ZBTB7C: variants seen among roughly 807,000 people sequenced by gnomAD.
ZBTB7C encodes the protein zinc finger and BTB domain-containing protein 7C.
In ZBTB7C, 8 loss-of-function variants were observed where a neutral mutation model predicts 25.7. The ratio of observed to expected loss-of-function variants is 0.31; its 90% CI spans 0.18 to 0.56. The LOEUF (loss-of-function observed/expected upper bound fraction) is 0.56, where lower values mean the gene tolerates loss of function less well. Ranked by LOEUF, ZBTB7C falls within the 20% of genes least tolerant of loss-of-function variation. The pLI, the probability that ZBTB7C is intolerant of heterozygous loss-of-function variation, is 0.91. For missense variants in ZBTB7C, 824 were observed against 855.2 expected (o/e 0.96, Z 0.46); for synonymous variants, 394 against 369.0 (o/e 1.07, Z -0.78).
intron 2 of ZBTB7C, among the ~76,000 whole-genome samples, chr18:48,317,312 G>T (rs1244705410): frequency 6.6e-6 from 1 of 150,626 alleles, no homozygotes; most frequent in Non-Finnish European, 1.5e-5. Context: ...CTTTCAGCAG[G>T]CTTGGCTAAA....
chr18:48,051,494 T>C (rs1187275558), intron 3 of ZBTB7C, among the ~76,000 whole-genome samples: 1 of 152,250 alleles, frequency 6.6e-6, no homozygotes, highest in African/African-American at 2.4e-5. Flanking sequence ...CTTGGAGCCT[T>C]TTACCTTTCA....
chr18:48,118,465 C>A (rs1357653735), intron 3 of ZBTB7C, among the ~76,000 whole-genome samples: 1 of 151,928 alleles, frequency 6.6e-6, no homozygotes, highest in Admixed American at 6.6e-5. Flanking sequence ...AACTTTTTGG[C>A]CATATGTGTT....
intron 3 of ZBTB7C, among the ~76,000 whole-genome samples, chr18:48,178,103 G>A (rs953746041): frequency 2.6e-5 from 4 of 152,078 alleles, no homozygotes; most frequent in Non-Finnish European, 5.9e-5. Context: ...CTGGGGTACT[G>A]CACTGGGTCT....
intron 2 of ZBTB7C, among the ~76,000 whole-genome samples, chr18:48,310,041 A>G (rs2045775218): frequency 6.6e-6 from 1 of 152,116 alleles, no homozygotes; most frequent in Non-Finnish European, 1.5e-5. Context: ...CATCCTGGCT[A>G]ACACAGTGAA....
At chr18:48,112,283 T>C (rs1315117764) in intron 3 of ZBTB7C, among the ~76,000 whole-genome samples, 2 of 146,994 alleles carry the variant, frequency 1.4e-5, no homozygotes, top group African/African-American at 5.1e-5. Context: ...TTTTTTGCCT[T>C]CTCTCTCTCC....
intron 3 of ZBTB7C, among the ~76,000 whole-genome samples, chr18:48,121,044 T>C (rs1432400122): frequency 1.3e-5 from 2 of 152,202 alleles, no homozygotes; most frequent in Non-Finnish European, 1.5e-5. Flanking sequence ...GCCCCTGGTC[T>C]TGGGGAAAGC....
intron 3 of ZBTB7C, among the ~76,000 whole-genome samples, chr18:48,082,290 T>A (rs1027126653): frequency 6.6e-6 from 1 of 152,232 alleles, no homozygotes; most frequent in African/African-American, 2.4e-5. Context: ...ATCTGAGCCA[T>A]CATTTTTCTC....
At chr18:48,359,187 T>C (rs1031139254) in intron 1 of ZBTB7C, among the ~76,000 whole-genome samples, 1 of 152,192 alleles carries the variant, frequency 6.6e-6, no homozygotes, top group African/African-American at 2.4e-5. Context: ...AACTAGCTGG[T>C]GGCCATCACC....
intron 3 of ZBTB7C, among the ~76,000 whole-genome samples, chr18:48,043,452 G>C (rs2036341534): frequency 6.6e-6 from 1 of 152,200 alleles, no homozygotes; most frequent in African/African-American, 2.4e-5. Context: ...TGAATCTCCA[G>C]GGAGTTACGC....
chr18:48,118,058 T>A (rs115758502), intron 3 of ZBTB7C, among the ~76,000 whole-genome samples: 1 of 149,990 alleles, frequency 6.7e-6, no homozygotes, highest in Non-Finnish European at 1.5e-5. Context: ...CGGGCTGGAG[T>A]GCAGTGGCGT....
intron 2 of ZBTB7C, among the ~76,000 whole-genome samples, chr18:48,202,753 C>A (rs2042485181): frequency 6.6e-6 from 1 of 151,884 alleles, no homozygotes; most frequent in Non-Finnish European, 1.5e-5. Context: ...ACAGCCTGAA[C>A]AGAGGTGGAA....
At chr18:48,229,827 G>C (rs1321866654) in intron 2 of ZBTB7C, among the ~76,000 whole-genome samples, 2 of 152,152 alleles carry the variant, frequency 1.3e-5, no homozygotes, top group Non-Finnish European at 2.9e-5. Context: ...AAGGAGCGGG[G>C]CAGGTGTGGG....
chr18:48,162,067 G>A (rs2041076233), intron 3 of ZBTB7C, among the ~76,000 whole-genome samples: 1 of 138,042 alleles, frequency 7.2e-6, no homozygotes, highest in Non-Finnish European at 1.7e-5. Context: ...GCGGGGCTGA[G>A]AGGGGCGAAC....
At chr18:48,192,396 T>C (rs181339524) in intron 2 of ZBTB7C, among the ~76,000 whole-genome samples, 1 of 152,322 alleles carries the variant, frequency 6.6e-6, no homozygotes, top group African/African-American at 2.4e-5. Flanking sequence ...GATGACATTA[T>C]GCATTTGTCA....
intron 2 of ZBTB7C, among the ~76,000 whole-genome samples, chr18:48,324,992 T>C (rs1280327500): frequency 6.6e-6 from 1 of 152,152 alleles, no homozygotes; most frequent in Non-Finnish European, 1.5e-5. Flanking sequence ...ACAATGGAGC[T>C]GTTTACAGGA....
Position 48,040,082 on chromosome 18 carries a change from G to A in ZBTB7C, c.1026C>T (p.His342=), listed in dbSNP as rs749797716. 5.0e-6 allele frequency: 8 copies of A among 1,612,082 alleles called. No individual in the cohort carries two copies. In the East Asian group the frequency reaches 1.6e-4, roughly 31 times the overall value. The part of the protein sequence containing the change: ...GAYLNFLSAT[H]LGGLFPPWPL... Reference sequence around the variant, plus strand: ...GCCAGGGTGGGAAGAGGCCTCCCAGGTGGGTGGCACTCAGGAAGTTGAGAT... The same window carrying A: ...GCCAGGGTGGGAAGAGGCCTCCCAGATGGGTGGCACTCAGGAAGTTGAGAT... Residue 342 remains histidine, a synonymous_variant, in exon 4 of 5, where the codon CAC becomes CAT. Transcript: ENST00000590800.
chr18:48,395,052 A>C (rs914405528), intron 1 of ZBTB7C, among the ~76,000 whole-genome samples: 5 of 151,686 alleles, frequency 3.3e-5, no homozygotes, highest in Middle Eastern at 3.6e-3. Flanking sequence ...TGGAGTATTA[A>C]AAAGCATCAG....
chr18:48,223,569 G>A (rs1250919951), intron 2 of ZBTB7C, among the ~76,000 whole-genome samples: 1 of 152,208 alleles, frequency 6.6e-6, no homozygotes, highest in Non-Finnish European at 1.5e-5. Context: ...CCCTAGACAC[G>A]TGTGCACACA....
intron 3 of ZBTB7C, among the ~76,000 whole-genome samples, chr18:48,182,444 C>T (rs1009389829): frequency 1.3e-5 from 2 of 152,140 alleles, no homozygotes; most frequent in African/African-American, 4.8e-5. Flanking sequence ...CGGTGTGAGC[C>T]CTACAGCCTG....
Sources: allele counts gnomAD v4.1 joint callset (sites outside exome capture counted in the v4.1 genomes callset), GRCh38; gene constraint gnomAD v4.1.1; transcripts MANE v1.5; gene names NCBI Gene and HGNC (gene_info 2026-07-23, HGNC 2026-07-21).